The following PTCH2 variants were observed in gnomAD, a reference collection of about 807,000 sequenced individuals.
The protein encoded by PTCH2 is protein patched homolog 2.
PTCH2 carries 96 observed loss-of-function variants against 117.9 expected under a neutral mutation model. The ratio of observed to expected loss-of-function variants is 0.81; its 90% CI spans 0.69 to 0.96. The LOEUF is 0.96. Ranked by LOEUF, PTCH2 falls within the 50% of genes least tolerant of loss-of-function variation. PTCH2 has a pLI of 0.00. For missense variants in PTCH2, 1,379 were observed against 1,562.5 expected, an observed-to-expected ratio of 0.88 and a Z score of 1.98; for synonymous variants, 615 against 660.9, an observed-to-expected ratio of 0.93 and a Z score of 1.06.
In PTCH2 at chr1:44,829,325, AG is replaced by A. The variant is rs1205016108; in HGVS notation, c.1216-14del. The A allele has an allele frequency of 6.2e-7, 1 of 1,613,666 alleles. No individual in the cohort carries two copies. The highest frequency in any genetic ancestry group is 8.5e-7 in the Non-Finnish European group (1 of 1,180,012). The stretch of plus-strand genomic sequence containing the variant: ...AGGCATAGGCCAGCTGTGGGGGGAA[AG>A]GGCAGTCTCAGGGGCTCCCAGGGTG... On this transcript the variant is annotated splice_polypyrimidine_tract_variant and intron_variant, in intron 9 of 21. Transcript: ENST00000372192.
intron 2 of PTCH2, among the ~76,000 whole-genome samples, chr1:44,835,816 T>A (rs1194646141): frequency 6.6e-6 from 1 of 151,868 alleles, no homozygotes; most frequent in African/African-American, 2.4e-5. Context: ...CTGGACCAGG[T>A]GTGCGCAGGG....
rs1483719760 is a variant in PTCH2, at chr1:44,829,720, CG to C, written c.976del (p.Arg326AlafsTer86). On this transcript the variant is annotated frameshift_variant, in exon 8 of 22. Coordinates refer to ENST00000372192, the MANE Select transcript of PTCH2 (RefSeq NM_003738.5). LOFTEE classifies it high-confidence loss of function. ...LQSTFLLMSP[R>X]QLYEHFRGDY... ...ACCCCGGAAATGCTCGTACAGCTGG[CG>C]GGGACTCATCAGCAAGAAGGTGCTC... The C allele has an allele frequency of 1.2e-6, 2 of 1,614,070 alleles. No individual in the cohort carries two copies. Among genetic ancestry groups the C allele is most frequent in the Non-Finnish European group, 1.7e-6 (2 of 1,180,034 alleles).
In PTCH2 at chr1:44,831,299, G is replaced by A. The variant is rs1653436473; in HGVS notation, c.618-256C>T. ...TTACCTAATACATAGAAAGGGCCCA[G>A]AAAGGCCCCACTGAGTTCCTTACCA... On this transcript the variant is annotated intron_variant, in intron 5 of 21. Transcript: ENST00000372192. This position sits in a 1 kb window ranked among gnomAD's most constrained non-coding sequence, Gnocchi z 4.3. 6.6e-6 allele frequency among the ~76,000 whole-genome samples: 1 copy of A among 152,226 alleles called. No homozygotes were observed. Among genetic ancestry groups the A allele is most frequent in the African/African-American group, 2.4e-5 (1 of 41,452 alleles).
In PTCH2 at chr1:44,822,522, G is replaced by A. The variant is rs745988124; in HGVS notation, c.3505C>T (p.Leu1169=). 5.0e-6 allele frequency: 8 copies of A among 1,613,522 alleles called. No individual in the cohort carries two copies. The highest frequency in any genetic ancestry group is 2.2e-5 in the East Asian group (1 of 44,860). ...SMTVAIHPPP[L]PGAYIHPAPD... ...GCTGGATGGATGTAGGCACCAGGCA[G>A]GGGGGGTGGGTGGATGGCCACGGTC... Residue 1169 remains leucine (L), a synonymous_variant, in exon 22 of 22, where the codon CTG becomes TTG. Transcript: ENST00000372192.
At chr1:44,835,461 A>C (rs972846564) in intron 2 of PTCH2, among the ~76,000 whole-genome samples, 2 of 152,212 alleles carry the variant, frequency 1.3e-5, no homozygotes, top group Non-Finnish European at 2.9e-5. Flanking sequence ...AACATCAATA[A>C]GTTACTATCT....
rs1011546547 is a variant in PTCH2, at chr1:44,843,163, G to A, written c.-231C>T. On this transcript the variant is annotated 5_prime_UTR_variant, in exon 1 of 22. It adds an upstream start codon to the 5' untranslated region. Transcript: ENST00000372192. The stretch of plus-strand genomic sequence containing the variant: ...CCGGGATTCACCCGCTCCGTGGGCC[G>A]TGGGCCGCGGCGGCTGGAGGAGGAA... 5 of 1,262,262 alleles carry A rather than the reference G, an allele frequency of 4.0e-6. No homozygotes were observed. The African/African-American group carries it at 6.3e-5, about 16-fold the overall frequency. 78.2% of individuals were successfully genotyped at this position (1,262,262 alleles called of 1,614,324 possible).
At chr1:44,834,127 T>C (rs1235859748) in intron 2 of PTCH2, among the ~76,000 whole-genome samples, 1 of 151,402 alleles carries the variant, frequency 6.6e-6, no homozygotes, top group Non-Finnish European at 1.5e-5. Context: ...CTTCCCTTTT[T>C]TTTTTTTTTG....
chr1:44,829,418 C>G lies in PTCH2; in HGVS notation c.1199G>C (p.Gly400Ala). Residue 400 changes from glycine to alanine, a missense_variant, in exon 9 of 22, where the codon GGA becomes GCA. By Grantham distance (60) the Gly-to-Ala change is moderately conservative (BLOSUM62 0). Transcript: ENST00000372192. The stretch of plus-strand genomic sequence containing the variant: ...AAGACCCACCATGAGCAGATAGCCT[C>G]CCACCACACGGGCAGCACTGACTTC... The part of the protein sequence containing the change: ...FSEVSAARVV[G>A]GYLLMLAYAC... 4.3e-6 allele frequency: 7 copies of G among 1,614,172 alleles called. No individual in the cohort carries two copies. The highest frequency in any genetic ancestry group is 5.9e-6 in the Non-Finnish European group (7 of 1,180,020).
chr1:44,829,383 T>C lies in PTCH2; in HGVS notation c.1215+19A>G. ...GGTTGGAGGTGGGGTGGGGGCAAGGTGCCAGGTGCAAGACCCACCATGAGC... is the reference window on the plus strand; with the variant it reads ...GGTTGGAGGTGGGGTGGGGGCAAGGCGCCAGGTGCAAGACCCACCATGAGC... On this transcript the variant is annotated intron_variant, in intron 9 of 21. Coordinates refer to ENST00000372192, the MANE Select transcript of PTCH2 (RefSeq NM_003738.5). 2 of 1,613,976 alleles carry C rather than the reference T, an allele frequency of 1.2e-6. No individual in the cohort carries two copies.
At chr1:44,829,337 GGGGCTCCCAGGGT>G in intron 9 of PTCH2, 25 bp from the exon 10 acceptor site, 4 of 1,613,764 alleles carry the variant, frequency 2.5e-6, no homozygotes, top group Non-Finnish European at 3.4e-6. Context: ...GGCAGTCTCA[GGGGCTCCCAGGGT>G]GGGCACTGGT....
chr1:44,836,491 C>A (rs1017695620), intron 2 of PTCH2, among the ~76,000 whole-genome samples: 1 of 152,048 alleles, frequency 6.6e-6, no homozygotes, highest in Non-Finnish European at 1.5e-5. Context: ...GGGCGGATCA[C>A]GAAGTCAAGA....
intron 19 of PTCH2, among the ~76,000 whole-genome samples, chr1:44,825,719 G>A (rs189877461): frequency 1.3e-5 from 2 of 151,776 alleles, no homozygotes; most frequent in Non-Finnish European, 2.9e-5. Context: ...TAGAGACGGG[G>A]TTTTGCAATG....
rs559921124 is a variant in PTCH2 at position 44,831,112 on chromosome 1, G to A, written c.618-69C>T. The A allele has an allele frequency of 3.3e-5, 48 of 1,455,604 alleles. No individual in the cohort carries two copies. Among genetic ancestry groups the A allele is most frequent in the South Asian group, 3.1e-4 (26 of 83,220 alleles). The allele number at this position is 1,455,604 out of a possible 1,614,324, so 90.2% of individuals were successfully genotyped here. Reference sequence around the variant, plus strand: ...CCAGGCTCCAAACTGCTGCTGGGGCGCCATGCTGTACCCCACCCTCCTCTT... The same window carrying A: ...CCAGGCTCCAAACTGCTGCTGGGGCACCATGCTGTACCCCACCCTCCTCTT... On this transcript the variant is annotated intron_variant, in intron 5 of 21. Transcript: ENST00000372192. The surrounding 1 kb of genome is among the most constrained non-coding windows in gnomAD (Gnocchi z 4.3).
chr1:44,831,181 G>C lies in PTCH2; in HGVS notation c.618-138C>G. On this transcript the variant is annotated intron_variant, in intron 5 of 21. Transcript: ENST00000372192. This position sits in a 1 kb window ranked among gnomAD's most constrained non-coding sequence, Gnocchi z 4.3. ...CCATATGGAGGGTGTGCAAGCCTCA[G>C]CTTCTCAGAACTGCCAGGCTGCATG... The C allele has an allele frequency of 1.1e-6, 1 of 911,580 alleles. No individual in the cohort carries two copies. The highest frequency in any genetic ancestry group is 1.7e-6 in the Non-Finnish European group (1 of 603,190). The allele number at this position is 911,580 out of a possible 1,614,324, so 56.5% of individuals were successfully genotyped here.
At chr1:44,825,449 T>C (rs185347661) in intron 19 of PTCH2, among the ~76,000 whole-genome samples, 110 of 152,322 alleles carry the variant, frequency 7.2e-4, no homozygotes, top group Non-Finnish European at 1.4e-3. Flanking sequence ...TTATTGTCTA[T>C]CTCTATCCCT....
chr1:44,827,598 G>A lies in PTCH2; in HGVS notation c.2175C>T (p.Ala725=), dbSNP rs908521166. 12 of 1,614,044 alleles carry A rather than the reference G, an allele frequency of 7.4e-6. No individual in the cohort carries two copies. Among genetic ancestry groups the A allele is most frequent in the African/African-American group, 2.7e-5 (2 of 75,058 alleles). The part of the protein sequence containing the change: ...DVVPRGTKEH[A]FLSAQLRYFS... ...AGTACCTGAGCTGGGCGCTCAGGAA[G>A]GCATGCTCCTTGGTGCCCCGAGGCA... Residue 725 remains alanine (A), a synonymous_variant, in exon 15 of 22, where the codon GCC becomes GCT. Transcript: ENST00000372192.
chr1:44,840,162 C>A (rs951951222), intron 2 of PTCH2, among the ~76,000 whole-genome samples: 1 of 145,322 alleles, frequency 6.9e-6, no homozygotes, highest in African/African-American at 2.6e-5. Flanking sequence ...GAGTGCAGTG[C>A]GGCGATCTTG....
chr1:44,836,983 A>G (rs1410851611), intron 2 of PTCH2, among the ~76,000 whole-genome samples: 2 of 152,138 alleles, frequency 1.3e-5, no homozygotes, highest in Admixed American at 1.3e-4. Context: ...AAAGAAATGC[A>G]AGACAAGAAT....
intron 2 of PTCH2, 95 bp downstream of exon 2, chr1:44,841,752 G>C: frequency 7.0e-7 from 1 of 1,420,234 alleles, no homozygotes; most frequent in African/African-American, 1.4e-5. Context: ...CAGCCCCAGG[G>C]CCAGGCCTGC....
Sources: allele counts gnomAD v4.1 joint callset (sites outside exome capture counted in the v4.1 genomes callset), GRCh38; gene constraint gnomAD v4.1.1; non-coding constraint Gnocchi (gnomAD v3.1); transcripts MANE v1.5; gene names NCBI Gene and HGNC (gene_info 2026-07-23, HGNC 2026-07-21).